The following CXADR variants were observed in gnomAD, a reference collection of about 807,000 sequenced individuals.
CXADR encodes the protein CXADR cell adhesion molecule, also known as coxsackievirus and adenovirus receptor.
Under a neutral mutation model 40.3 loss-of-function variants are expected in CXADR, and 20 were observed. That is an observed-to-expected ratio of 0.50 (90% confidence interval 0.35 to 0.72). The LOEUF (loss-of-function observed/expected upper bound fraction) is 0.72. CXADR is among the 30% of genes least tolerant of loss of function. The pLI is 0.01. For synonymous variants in CXADR, 150 were observed against 161.3 expected (o/e 0.93, Z 0.53); for missense variants, 332 against 449.1 (o/e 0.74, Z 2.36).
chr21:17,557,367 A>T (rs1014795014), intron 3 of CXADR, among the ~76,000 whole-genome samples: 2 of 152,162 alleles, frequency 1.3e-5, no homozygotes, highest in African/African-American at 4.8e-5. Context: ...CTTCCTGTTT[A>T]ATCCTCATTT....
chr21:17,627,251 G>C, the CXADR span, among the ~76,000 whole-genome samples: 1 of 152,140 alleles, frequency 6.6e-6, no homozygotes, highest in Non-Finnish European at 1.5e-5. Context: ...CACTACTCAG[G>C]AGGCTGAGGC....
chr21:17,626,811 T>C, the CXADR span: 1 of 152,186 alleles, frequency 6.6e-6, no homozygotes, highest in African/African-American at 2.4e-5. Context: ...ACAAAAGCTG[T>C]GCTGAAAGGT....
chr21:17,606,154 CT>C, the CXADR span, among the ~76,000 whole-genome samples: 2 of 152,080 alleles, frequency 1.3e-5, no homozygotes, highest in Non-Finnish European at 2.9e-5. Context: ...TTCCTAAATG[CT>C]TTGCATGTAT....
intron 7 of CXADR, among the ~76,000 whole-genome samples, chr21:17,580,043 A>C (rs980711134): frequency 3.3e-5 from 5 of 152,226 alleles, no homozygotes; most frequent in Admixed American, 6.5e-5. Flanking sequence ...AGCTGGTCTC[A>C]AACTCCTGGC....
chr21:17,535,858 A>G (rs1279885871), intron 1 of CXADR, among the ~76,000 whole-genome samples: 1 of 152,046 alleles, frequency 6.6e-6, no homozygotes, highest in Non-Finnish European at 1.5e-5. Context: ...AAATACAAAA[A>G]TTAGTGGGGC....
downstream of CXADR, chr21:17,598,512 C>A (rs558074666): frequency 5.4e-5 from 51 of 939,252 alleles, 1 homozygote; most frequent in South Asian, 8.4e-4. Context: ...GAACTATTAT[C>A]CAGAATCTCA....
intron 7 of CXADR, among the ~76,000 whole-genome samples, chr21:17,577,496 C>CT (rs777913483): frequency 1.3e-5 from 2 of 148,964 alleles, no homozygotes; most frequent in Non-Finnish European, 3.0e-5. Flanking sequence ...TTCCTGGAGT[C>CT]TTTTTCATTC....
intron 1 of CXADR, among the ~76,000 whole-genome samples, chr21:17,534,007 AAT>A (rs5842646): frequency 0.43 from 37,341 of 87,362 alleles, 9,133 homozygotes; most frequent in Middle Eastern, 0.5. Context: ...CTTTCTCAGC[AAT>A]ATATATATAT....
intron 7 of CXADR, among the ~76,000 whole-genome samples, chr21:17,575,280 G>A (rs188995730): frequency 6.6e-6 from 1 of 152,070 alleles, no homozygotes. Flanking sequence ...GATCTTCTTT[G>A]CTCAGCAATA....
rs1370453510 is a variant in CXADR at position 17,518,519 on chromosome 21, C to G, written c.43+5347C>G. On this transcript the variant is annotated intron_variant, in intron 1 of 6. Transcript: ENST00000284878. ...TCTAGTCCATGCCAGCTTCCAAAAACCATGCCAGCTTCATTCTTTGATGCC... is the reference window on the plus strand; with the variant it reads ...TCTAGTCCATGCCAGCTTCCAAAAAGCATGCCAGCTTCATTCTTTGATGCC... 10 of 940,434 alleles carry G rather than the reference C, an allele frequency of 1.1e-5. No individual in the cohort carries two copies. The East Asian group carries it at 2.1e-4, about 20-fold the overall frequency. The allele number at this position is 940,434 out of a possible 1,614,324, so 58.3% of individuals were successfully genotyped here. A position where few individuals can be genotyped will look rare whatever the true frequency, so the allele number is the denominator to read the frequency against.
At chr21:17,549,422 C>T (rs1040724240) in intron 2 of CXADR, among the ~76,000 whole-genome samples, 1 of 152,200 alleles carries the variant, frequency 6.6e-6, no homozygotes, top group Admixed American at 6.5e-5. Flanking sequence ...TATTCACACG[C>T]ATTCTGTAAG....
At chr21:17,620,582 T>C in the CXADR span, among the ~76,000 whole-genome samples, 8 of 152,178 alleles carry the variant, frequency 5.3e-5, no homozygotes, top group African/African-American at 1.7e-4. Flanking sequence ...AAAATGATGC[T>C]TAAACACTTG....
In CXADR at chr21:17,569,934, A is replaced by G. The variant is rs1256763602; in HGVS notation, c.*4242A>G. 1.0e-6 allele frequency: 1 copy of G among 985,320 alleles called. No homozygotes were observed. The highest frequency in any genetic ancestry group is 1.2e-6 in the Non-Finnish European group (1 of 829,946). 61.0% of individuals were successfully genotyped at this position (985,320 alleles called of 1,614,324 possible). A position where few individuals can be genotyped will look rare whatever the true frequency, so the allele number is the denominator to read the frequency against. Reference sequence around the variant, plus strand: ...AATATTCTGACACTTCACGTGTGCAAAGTATAGAACTGACAGTGTCAGTTT... The same window carrying G: ...AATATTCTGACACTTCACGTGTGCAGAGTATAGAACTGACAGTGTCAGTTT... On this transcript the variant is annotated 3_prime_UTR_variant, in exon 7 of 7. Coordinates refer to ENST00000284878, the MANE Select transcript of CXADR (RefSeq NM_001338.5).
chr21:17,528,199 G>C lies in CXADR; in HGVS notation c.43+15027G>C, dbSNP rs563067210. Among the ~76,000 whole-genome samples, 26 of 149,270 alleles carry C rather than the reference G, an allele frequency of 1.7e-4. No individual in the cohort carries two copies. The East Asian group carries it at 4.8e-3, about 28-fold the overall frequency. On this transcript the variant is annotated intron_variant, in intron 1 of 6. Transcript: ENST00000284878. ...CACCATTCTCCTGCCTCACCCTCTC[G>C]AGTAGCTGGGACTACAGGTGCCTGC... is the stretch of plus-strand genomic sequence containing the variant.
At chr21:17,607,788 G>A in the CXADR span, among the ~76,000 whole-genome samples, 1 of 152,092 alleles carries the variant, frequency 6.6e-6, no homozygotes, top group Non-Finnish European at 1.5e-5. Flanking sequence ...TTTATTTCTC[G>A]TGGCCACATC....
At chr21:17,535,363 A>T (rs966275908) in intron 1 of CXADR, among the ~76,000 whole-genome samples, 4 of 151,916 alleles carry the variant, frequency 2.6e-5, no homozygotes, top group Non-Finnish European at 4.4e-5. Flanking sequence ...TGCCTGGCTA[A>T]TTTTTTTATT....
intron 1 of CXADR, among the ~76,000 whole-genome samples, chr21:17,545,967 T>TG (rs2060892091): frequency 6.6e-6 from 1 of 152,052 alleles, no homozygotes; most frequent in South Asian, 2.1e-4. Context: ...CTAGTAGAGA[T>TG]GGGGTTTCAC....
At chr21:17,558,896 C>A in intron 3 of CXADR, 80 bp from the exon 4 acceptor site, 2 of 1,384,966 alleles carry the variant, frequency 1.4e-6, no homozygotes, top group South Asian at 1.5e-5. Flanking sequence ...GATAATGAGT[C>A]AGTGGTTGTG....
intron 1 of CXADR, among the ~76,000 whole-genome samples, chr21:17,518,173 G>T (rs2060484381): frequency 6.6e-6 from 1 of 151,972 alleles, no homozygotes; most frequent in Non-Finnish European, 1.5e-5. Context: ...GAGGGAGGAG[G>T]ATAAATAGAA....
Sources: allele counts gnomAD v4.1 joint callset (sites outside exome capture counted in the v4.1 genomes callset), GRCh38; gene constraint gnomAD v4.1.1; transcripts MANE v1.5; gene names NCBI Gene and HGNC (gene_info 2026-07-23, HGNC 2026-07-21).